The following SP3 variants were observed in gnomAD, a reference collection of about 807,000 sequenced individuals.
SP3 encodes the protein Sp3 transcription factor.
Under a neutral mutation model 70.3 loss-of-function variants are expected in SP3, and 10 were observed. That is an observed-to-expected ratio of 0.14 (90% CI 0.09 to 0.24). The LOEUF (loss-of-function observed/expected upper bound fraction) is 0.24. Ranked by LOEUF, SP3 falls within the 10% of genes least tolerant of loss-of-function variation. The pLI is 1.00. For synonymous variants in SP3, 402 were observed against 333.5 expected, an observed-to-expected ratio of 1.21 and a Z score of -2.24; for missense variants, 825 against 914.6, an observed-to-expected ratio of 0.90 and a Z score of 1.26.
chr2:173,943,569 G>A (rs1223407219), intron 4 of SP3, among the ~76,000 whole-genome samples: 1 of 152,104 alleles, frequency 6.6e-6, no homozygotes, highest in East Asian at 1.9e-4. Context: ...GGGCTTAAGT[G>A]AACCTCCCAC....
At chr2:173,916,115 T>C (rs1029809091) in intron 5 of SP3, 13 of 152,120 alleles carry the variant, frequency 8.5e-5, no homozygotes, top group Non-Finnish European at 1.8e-4. Flanking sequence ...TACAAGTGTG[T>C]CTATCACACA....
chr2:173,959,291 G>T (rs1261859833), intron 3 of SP3, among the ~76,000 whole-genome samples: 1 of 146,342 alleles, frequency 6.8e-6, no homozygotes, highest in Non-Finnish European at 1.5e-5. Context: ...CACTAAAAGA[G>T]ATAAAGTACA....
chr2:173,956,611 T>C (rs891454962), intron 3 of SP3, among the ~76,000 whole-genome samples: 3 of 152,188 alleles, frequency 2.0e-5, no homozygotes, highest in Non-Finnish European at 4.4e-5. Context: ...ATAAGCATAG[T>C]GTATTAAGTC....
Position 173,903,511 on chromosome 2 carries a change from AG to A in SP3, c.*6429del, listed in dbSNP as rs1689230166. ...AAAAACACACAGAGTTACTAGGAGTAGAATTGAGAAAAATGCAATTAACACA... is the reference window on the plus strand; with the variant it reads ...AAAAACACACAGAGTTACTAGGAGTAAATTGAGAAAAATGCAATTAACACA... On this transcript the variant is annotated 3_prime_UTR_variant, in exon 7 of 7. Transcript: ENST00000310015. 6.6e-6 allele frequency among the ~76,000 whole-genome samples: 1 copy of A among 152,244 alleles called. No homozygotes were observed. The highest frequency in any genetic ancestry group is 1.9e-4 in the East Asian group (1 of 5,204).
intron 4 of SP3, among the ~76,000 whole-genome samples, chr2:173,920,352 T>C (rs918780122): frequency 5.9e-5 from 9 of 152,210 alleles, no homozygotes; most frequent in Admixed American, 5.2e-4. Context: ...GTAATATAGG[T>C]GGATGCATGG....
chr2:173,962,403 T>C (rs1462220249), intron 3 of SP3, among the ~76,000 whole-genome samples: 1 of 152,232 alleles, frequency 6.6e-6, no homozygotes, highest in African/African-American at 2.4e-5. Context: ...TTTTGGCACT[T>C]TGGAACTAGA....
At chr2:173,959,859 A>G (rs758372432) in intron 3 of SP3, among the ~76,000 whole-genome samples, 1 of 152,248 alleles carries the variant, frequency 6.6e-6, no homozygotes, top group Non-Finnish European at 1.5e-5. Context: ...ATGTCTACGT[A>G]AGTTTACAAA....
intron 4 of SP3, among the ~76,000 whole-genome samples, chr2:173,937,176 G>C (rs1031337611): frequency 2.6e-5 from 4 of 152,148 alleles, no homozygotes; most frequent in Non-Finnish European, 5.9e-5. Context: ...GCTCTCTCAA[G>C]TTCTTGAGCC....
rs1202795392 is a variant in SP3 at position 173,909,032 on chromosome 2, T to C, written c.*909A>G. ...TGTTATGTTTGCATATGTTACACTT[T>C]ACTGGTAATTTACATGATGGCTTTT... is the stretch of plus-strand genomic sequence containing the variant. On this transcript the variant is annotated 3_prime_UTR_variant, in exon 7 of 7. Coordinates refer to ENST00000310015, the MANE Select transcript of SP3 (RefSeq NM_003111.5). 3 of 152,536 alleles carry C rather than the reference T, an allele frequency of 2.0e-5. No homozygotes were observed. Among genetic ancestry groups the C allele is most frequent in the Non-Finnish European group, 4.4e-5 (3 of 67,944 alleles). The allele number at this position is 152,536 out of a possible 1,614,324, so 9.4% of individuals were successfully genotyped here.
Position 173,956,065 on chromosome 2 carries a change from T to C in SP3, c.447A>G (p.Gln149=), listed in dbSNP as rs758641022. 5 of 1,614,064 alleles carry C rather than the reference T, an allele frequency of 3.1e-6. No individual in the cohort carries two copies. Among genetic ancestry groups the C allele is most frequent in the East Asian group, 2.2e-5 (1 of 44,884 alleles). ...ATCCTGGTGCAACGGAAAATATTTGTTGATTCTGCAAATTCTGAAGGGGAA... is the reference window on the plus strand; with the variant it reads ...ATCCTGGTGCAACGGAAAATATTTGCTGATTCTGCAAATTCTGAAGGGGAA... ...YVLPLQNLQN[Q]QIFSVAPGSD... Residue 149 remains glutamine, a synonymous_variant, in exon 4 of 7, where the codon CAA becomes CAG. Transcript: ENST00000310015.
chr2:173,944,616 T>C (rs1211751039), intron 4 of SP3, among the ~76,000 whole-genome samples: 2 of 152,206 alleles, frequency 1.3e-5, no homozygotes, highest in Non-Finnish European at 2.9e-5. Context: ...AGTTCTTCTC[T>C]TGGAATAAAA....
rs1051128463 is a variant in SP3, at chr2:173,905,794, T to C, written c.*4147A>G. ...TGGAAGGATCACTTGAGCCCAGGAA[T>C]TCAAGACCAGCCTAGGCAATATAGT... On this transcript the variant is annotated 3_prime_UTR_variant, in exon 7 of 7. Coordinates refer to ENST00000310015, the MANE Select transcript of SP3 (RefSeq NM_003111.5). 6.6e-6 allele frequency among the ~76,000 whole-genome samples: 1 copy of C among 152,106 alleles called. No individual in the cohort carries two copies. The highest frequency in any genetic ancestry group is 1.9e-4 in the East Asian group (1 of 5,184).
intron 5 of SP3, chr2:173,914,899 T>C (rs1455181201): frequency 2.0e-5 from 3 of 152,200 alleles, no homozygotes; most frequent in Non-Finnish European, 2.9e-5. Flanking sequence ...ACAGCAATGT[T>C]TGTGGCTACT....
chr2:173,929,911 T>C (rs1690025071), intron 4 of SP3, among the ~76,000 whole-genome samples: 1 of 152,204 alleles, frequency 6.6e-6, no homozygotes, highest in Non-Finnish European at 1.5e-5. Flanking sequence ...AAGGCTTATC[T>C]ATTTGATTCT....
At chr2:173,910,346 C>A in intron 6 of SP3, 89 bp from the exon 7 acceptor site, 1 of 1,100,954 alleles carries the variant, frequency 9.1e-7, no homozygotes. Flanking sequence ...TAAGTCAACG[C>A]TGACAGGTGA....
intron 4 of SP3, among the ~76,000 whole-genome samples, chr2:173,928,836 CCCT>C (rs1304230782): frequency 7.2e-5 from 11 of 152,140 alleles, no homozygotes; most frequent in African/African-American, 2.7e-4. Flanking sequence ...TTTTCTTTTG[CCCT>C]CCAATTTTTA....
At chr2:173,957,485 A>G (rs968136796) in intron 3 of SP3, among the ~76,000 whole-genome samples, 3 of 152,182 alleles carry the variant, frequency 2.0e-5, no homozygotes, top group Non-Finnish European at 2.9e-5. Flanking sequence ...ATAAAAGCAT[A>G]GAAACAATAA....
intron 3 of SP3, among the ~76,000 whole-genome samples, chr2:173,958,582 GAA>G (rs60433945): frequency 1.5e-3 from 202 of 134,076 alleles, no homozygotes; most frequent in African/African-American, 4.4e-3. Flanking sequence ...AACGATGGGG[GAA>G]AAAAAAAAAA....
rs772281249 is a variant in SP3 at position 173,955,310 on chromosome 2, T to C, written c.1202A>G (p.Gln401Arg). Residue 401 changes from glutamine to arginine, a missense_variant, in exon 4 of 7, where the codon CAA (glutamine) becomes CGA (arginine). By Grantham distance (43) the Gln-to-Arg change is conservative. This residue lies in a region of SP3 where 678 missense variants were observed against 651.6 expected (regional missense o/e 1.04). Coordinates refer to ENST00000310015, the MANE Select transcript of SP3 (RefSeq NM_003111.5). Reference sequence around the variant, plus strand: ...TTGACTGGTTGGCTGCTGAGACTCTTGAAGTTGTAGATGCTGTACAACAGG... The same window carrying C: ...TTGACTGGTTGGCTGCTGAGACTCTCGAAGTTGTAGATGCTGTACAACAGG... Reference protein sequence around the residue: ...AQPVVQHLQLQESQQPTSQAQ... With the variant: ...AQPVVQHLQLRESQQPTSQAQ... 1 of 1,614,118 alleles carries C rather than the reference T, an allele frequency of 6.2e-7. No homozygotes were observed. Among genetic ancestry groups the C allele is most frequent in the Non-Finnish European group, 8.5e-7 (1 of 1,180,018 alleles).
Sources: gnomAD v4.1 joint callset for allele counts (sites outside exome capture counted in the v4.1 genomes callset) on GRCh38, gnomAD v4.1.1 for gene constraint, gnomAD v4.1.1 regional missense constraint, MANE v1.5 for transcripts, NCBI Gene and HGNC (gene_info 2026-07-23, HGNC 2026-07-21) for gene names.